Variants in NAA11 observed in about 807,000 individuals in gnomAD.
NAA11 encodes N-alpha-acetyltransferase 11.
Under a neutral mutation model 16.1 loss-of-function variants are expected in NAA11, and 15 were observed. That is an observed-to-expected ratio of 0.93 (90% CI 0.62 to 1.44). NAA11 has a LOEUF of 1.44. Ranked by LOEUF, NAA11 falls within the 40% of genes most tolerant of loss-of-function variation. NAA11 has a pLI of 0.00. For missense variants in NAA11, 298 were observed against 291.3 expected, an observed-to-expected ratio of 1.02 and a Z score of -0.17; for synonymous variants, 122 against 112.4, an observed-to-expected ratio of 1.09 and a Z score of -0.54.
intron 2 of NAA11, among the ~76,000 whole-genome samples, chr4:79,231,194 C>T (rs755881230): frequency 1.8e-4 from 27 of 151,940 alleles, no homozygotes; most frequent in Middle Eastern, 3.4e-3. Context: ...TTCTTGGAAA[C>T]GGTTTGTTAT....
At chr4:79,164,860 G>A in the NAA11 span, among the ~76,000 whole-genome samples, 1 of 152,236 alleles carries the variant, frequency 6.6e-6, no homozygotes, top group East Asian at 1.9e-4. Flanking sequence ...ACCCAGGCTA[G>A]TGAAGAGTTA....
intron 2 of NAA11, among the ~76,000 whole-genome samples, chr4:79,255,181 G>A (rs1426636032): frequency 6.6e-6 from 1 of 152,128 alleles, no homozygotes; most frequent in Non-Finnish European, 1.5e-5. Flanking sequence ...GATTGGAAGA[G>A]GGAGTGAAAA....
At chr4:79,208,492 C>T in the NAA11 span, among the ~76,000 whole-genome samples, 1 of 152,016 alleles carries the variant, frequency 6.6e-6, no homozygotes, top group Non-Finnish European at 1.5e-5. Flanking sequence ...CTTTTCATTT[C>T]TATTGGACAA....
intron 2 of NAA11, among the ~76,000 whole-genome samples, chr4:79,273,360 TA>T (rs1171689892): frequency 6.6e-6 from 1 of 152,030 alleles, no homozygotes; most frequent in East Asian, 1.9e-4. Context: ...CACTAAAAAA[TA>T]TGTCTAAATG....
At chr4:79,291,579 C>T (rs1723086952) in intron 2 of NAA11, among the ~76,000 whole-genome samples, 1 of 152,038 alleles carries the variant, frequency 6.6e-6, no homozygotes, top group Admixed American at 6.6e-5. Context: ...ACAAAATCAG[C>T]TGGGCGTGGT....
At chr4:79,186,278 T>C in the NAA11 span, among the ~76,000 whole-genome samples, 1 of 152,322 alleles carries the variant, frequency 6.6e-6, no homozygotes, top group South Asian at 2.1e-4. Flanking sequence ...TGATATTATA[T>C]GTTGAAGGTG....
intron 1 of NAA11, among the ~76,000 whole-genome samples, chr4:79,323,862 G>A (rs953237836): frequency 1.3e-5 from 2 of 151,750 alleles, no homozygotes; most frequent in Non-Finnish European, 2.9e-5. Flanking sequence ...AATTAGCCAG[G>A]CGAGGTGGCG....
chr4:79,217,450 T>G, the NAA11 span, among the ~76,000 whole-genome samples: 1 of 152,164 alleles, frequency 6.6e-6, no homozygotes, highest in Non-Finnish European at 1.5e-5. Context: ...CTACTACTAT[T>G]ATTTGGCAGA....
chr4:79,325,150 G>A, intron 1 of NAA11, 26 bp downstream of exon 1: 43 of 1,532,784 alleles, frequency 2.8e-5, no homozygotes, highest in Non-Finnish European at 3.6e-5. Context: ...GGAGAAGGGG[G>A]TACTGGGTCA....
the NAA11 span, among the ~76,000 whole-genome samples, chr4:79,160,771 G>C: frequency 2.0e-5 from 3 of 151,914 alleles, no homozygotes; most frequent in African/African-American, 7.3e-5. Flanking sequence ...ATATATATTT[G>C]CAAATATTTT....
chr4:79,240,160 A>G (rs1721659820), intron 2 of NAA11, among the ~76,000 whole-genome samples: 1 of 152,154 alleles, frequency 6.6e-6, no homozygotes, highest in African/African-American at 2.4e-5. Context: ...AGAATAATTT[A>G]TCCTTTTTAT....
At chr4:79,289,367 A>C (rs560336758) in intron 2 of NAA11, among the ~76,000 whole-genome samples, 1 of 152,366 alleles carries the variant, frequency 6.6e-6, no homozygotes, top group East Asian at 1.9e-4. Context: ...AAATATTTGC[A>C]GTGATTGTCT....
intron 2 of NAA11, among the ~76,000 whole-genome samples, chr4:79,252,879 G>T (rs538702278): frequency 6.6e-6 from 1 of 152,242 alleles, no homozygotes; most frequent in South Asian, 2.1e-4. Context: ...GTTTAAGCAA[G>T]GAAAAGTCAT....
intron 1 of NAA11, among the ~76,000 whole-genome samples, chr4:79,297,341 G>T (rs970148969): frequency 6.6e-6 from 1 of 152,192 alleles, no homozygotes; most frequent in Non-Finnish European, 1.5e-5. Flanking sequence ...GGAGTGGACA[G>T]AGAGGGCCTC....
intron 2 of NAA11, among the ~76,000 whole-genome samples, chr4:79,241,629 G>C (rs1265567831): frequency 6.6e-6 from 1 of 152,312 alleles, no homozygotes; most frequent in African/African-American, 2.4e-5. Context: ...GTCTGTAAGT[G>C]ACAGCATATT....
At chr4:79,233,892 T>C (rs1689707785) in intron 2 of NAA11, among the ~76,000 whole-genome samples, 2 of 151,980 alleles carry the variant, frequency 1.3e-5, no homozygotes, top group African/African-American at 2.4e-5. Context: ...TTACTTGGGG[T>C]AGATAAATTG....
At chr4:79,231,693 A>T (rs1465955726) in intron 2 of NAA11, among the ~76,000 whole-genome samples, 3 of 151,906 alleles carry the variant, frequency 2.0e-5, no homozygotes, top group African/African-American at 7.2e-5. Flanking sequence ...AATGAGATAC[A>T]GTAGGGAGAC....
chr4:79,270,246 C>A (rs1338158333), intron 2 of NAA11, among the ~76,000 whole-genome samples: 2 of 151,826 alleles, frequency 1.3e-5, no homozygotes, highest in Non-Finnish European at 2.9e-5. Context: ...TGAAGAAAGT[C>A]ATTGGTAGCT....
chr4:79,242,039 C>A (rs1160996315), intron 2 of NAA11, among the ~76,000 whole-genome samples: 1 of 152,210 alleles, frequency 6.6e-6, no homozygotes, highest in Non-Finnish European at 1.5e-5. Context: ...CAATGTGTTT[C>A]TTGATGCTGC....
Sources: allele counts gnomAD v4.1 joint callset (sites outside exome capture counted in the v4.1 genomes callset), GRCh38; gene constraint gnomAD v4.1.1; transcripts MANE v1.5; gene names NCBI Gene and HGNC (gene_info 2026-07-23, HGNC 2026-07-21).